The following CACNA1E variants were observed in gnomAD, a reference collection of about 807,000 sequenced individuals.
CACNA1E encodes calcium voltage-gated channel subunit alpha1 E.
A neutral mutation model predicts 259.2 loss-of-function variants in CACNA1E; 40 were observed. The ratio of observed to expected loss-of-function variants is 0.15; its 90% CI spans 0.12 to 0.20. CACNA1E has a LOEUF of 0.20. Among genes scored for constraint, CACNA1E ranks in the 10% least tolerant of loss-of-function variants. The pLI is 1.00. For missense variants in CACNA1E, 1,874 were observed against 3,040.1 expected, an observed-to-expected ratio of 0.62 and a Z score of 9.02; for synonymous variants, 1,104 against 1,138.5, an observed-to-expected ratio of 0.97 and a Z score of 0.61.
chr1:181,520,569 A>G (rs770670413), intron 3 of CACNA1E, among the ~76,000 whole-genome samples: 6 of 152,228 alleles, frequency 3.9e-5, no homozygotes, highest in Non-Finnish European at 8.8e-5. Context: ...TTTCACTGAA[A>G]CCTATTGCAA....
chr1:181,328,524 C>G (rs1439396074), intron 1 of CACNA1E, among the ~76,000 whole-genome samples: 1 of 152,088 alleles, frequency 6.6e-6, no homozygotes, highest in African/African-American at 2.4e-5. Flanking sequence ...CATGGCCAAG[C>G]TAGATTCAGT....
intron 32 of CACNA1E, among the ~76,000 whole-genome samples, chr1:181,759,379 C>A (rs1189620034): frequency 6.9e-6 from 1 of 145,558 alleles, no homozygotes; most frequent in East Asian, 2.1e-4. Flanking sequence ...AGGCTAATGA[C>A]CTTTAAGGGG....
chr1:181,683,176 A>G (rs1253133520), intron 7 of CACNA1E, among the ~76,000 whole-genome samples: 3 of 152,230 alleles, frequency 2.0e-5, no homozygotes, highest in Non-Finnish European at 4.4e-5. Context: ...TATGCATCTT[A>G]TGCATCTTTG....
chr1:181,357,607 C>T (rs1331678790), intron 1 of CACNA1E, among the ~76,000 whole-genome samples: 1 of 152,114 alleles, frequency 6.6e-6, no homozygotes, highest in African/African-American at 2.4e-5. Flanking sequence ...GATAGGATTG[C>T]CTGTATGTGA....
rs549221693 is a variant in CACNA1E at position 181,330,321 on chromosome 1, C to A, written c.-15+12198C>A. Among the ~76,000 whole-genome samples the A allele has an allele frequency of 2.4e-3, 362 of 152,218 alleles. 2 individuals are homozygous for A. The highest frequency in any genetic ancestry group is 8.2e-3 in the African/African-American group (339 of 41,544). ...CCCCTCCCTGCCATGGCCACCTCCC[C>A]CCAGCCCCCTCTCCCCTTCTTCTCT... On this transcript the variant is annotated intron_variant, in intron 1 of 11. Transcript: ENST00000524607.
At chr1:181,572,147 G>A (rs180698478) in intron 3 of CACNA1E, among the ~76,000 whole-genome samples, 4 of 152,290 alleles carry the variant, frequency 2.6e-5, no homozygotes, top group Admixed American at 2.0e-4. Flanking sequence ...TACAGTGAAT[G>A]TGCCTGTGAA....
chr1:181,455,810 C>G, intron 2 of CACNA1E, among the ~76,000 whole-genome samples: 1 of 152,176 alleles, frequency 6.6e-6, no homozygotes, highest in East Asian at 1.9e-4. Context: ...GGGCCCTACA[C>G]CCTAGGCCAT....
chr1:181,544,069 A>G (rs776736125), intron 3 of CACNA1E, among the ~76,000 whole-genome samples: 2 of 152,202 alleles, frequency 1.3e-5, no homozygotes, highest in Non-Finnish European at 2.9e-5. Context: ...CCAAGTGTAC[A>G]TCAGCTGATG....
chr1:181,729,236 CCTGCACAGATGTGTGTACA>C (rs1424392145), intron 18 of CACNA1E, among the ~76,000 whole-genome samples: 1 of 148,362 alleles, frequency 6.7e-6, no homozygotes, highest in Non-Finnish European at 1.5e-5. Flanking sequence ...CTGTGTGTGC[CCTGCACAGATGTGTGTACA>C]CTGCTCAGGT....
At chr1:181,714,477 CT>C (rs1427162442) in intron 8 of CACNA1E, among the ~76,000 whole-genome samples, 1 of 152,096 alleles carries the variant, frequency 6.6e-6, no homozygotes, top group Non-Finnish European at 1.5e-5. Flanking sequence ...CATAGGCATG[CT>C]CGATTAAACC....
At chr1:181,551,452 T>G (rs1648142836) in intron 3 of CACNA1E, among the ~76,000 whole-genome samples, 1 of 152,108 alleles carries the variant, frequency 6.6e-6, no homozygotes, top group South Asian at 2.1e-4. Flanking sequence ...CTTTTGACAG[T>G]TTGTTTAGGA....
intron 1 of CACNA1E, among the ~76,000 whole-genome samples, chr1:181,338,272 G>A (rs1156915596): frequency 1.1e-4 from 17 of 152,112 alleles, no homozygotes; most frequent in Admixed American, 1.1e-3. Context: ...TTTTAGTAGA[G>A]ATGGAGTTTC....
chr1:181,356,196 A>G (rs1653421551), intron 1 of CACNA1E, among the ~76,000 whole-genome samples: 1 of 152,146 alleles, frequency 6.6e-6, no homozygotes, highest in Non-Finnish European at 1.5e-5. Flanking sequence ...CAGATTTATT[A>G]GGAATATTCT....
At chr1:181,661,580 G>A (rs1377605171) in intron 7 of CACNA1E, among the ~76,000 whole-genome samples, 2 of 152,210 alleles carry the variant, frequency 1.3e-5, no homozygotes, top group African/African-American at 4.8e-5. Flanking sequence ...TTTTGGACCT[G>A]TTGAGTATGA....
chr1:181,741,388 C>T (rs79305798), intron 25 of CACNA1E, among the ~76,000 whole-genome samples: 5 of 152,296 alleles, frequency 3.3e-5, no homozygotes, highest in South Asian at 2.1e-4. Flanking sequence ...GTGCTTAGGA[C>T]GGGGCCTGAT....
chr1:181,507,937 C>G (rs1235650732), intron 1 of CACNA1E, among the ~76,000 whole-genome samples: 5 of 152,074 alleles, frequency 3.3e-5, no homozygotes, highest in African/African-American at 4.8e-5. Flanking sequence ...GGAACCAGGA[C>G]AGGGGATGAC....
At chr1:181,561,000 A>G (rs1298149846) in intron 3 of CACNA1E, among the ~76,000 whole-genome samples, 1 of 152,222 alleles carries the variant, frequency 6.6e-6, no homozygotes. Context: ...AAGGACAAAT[A>G]CTATGTGATT....
chr1:181,372,658 G>T (rs959162328), intron 1 of CACNA1E, among the ~76,000 whole-genome samples: 2 of 152,022 alleles, frequency 1.3e-5, no homozygotes, highest in Admixed American at 1.3e-4. Flanking sequence ...GCAAGAGTGG[G>T]CATCGTTATC....
At chr1:181,666,367 C>G (rs1341544533) in intron 7 of CACNA1E, among the ~76,000 whole-genome samples, 1 of 152,098 alleles carries the variant, frequency 6.6e-6, no homozygotes, top group Non-Finnish European at 1.5e-5. Flanking sequence ...ACAAAAATCC[C>G]TGCCCTCATA....
Sources: gnomAD v4.1 joint callset for allele counts (sites outside exome capture counted in the v4.1 genomes callset) on GRCh38, gnomAD v4.1.1 for gene constraint, MANE v1.5 for transcripts, NCBI Gene and HGNC (gene_info 2026-07-23, HGNC 2026-07-21) for gene names.